Variants in PEAK1 observed in about 807,000 individuals in gnomAD.
The protein encoded by PEAK1 is inactive tyrosine-protein kinase PEAK1.
PEAK1 carries 54 observed loss-of-function variants against 124.7 expected under a neutral mutation model. That is an observed-to-expected ratio of 0.43 (90% CI 0.35 to 0.54). PEAK1 has a LOEUF of 0.54. PEAK1 is among the 20% of genes least tolerant of loss of function. The pLI is 0.01. For missense variants in PEAK1, 2,046 were observed against 2,134.5 expected (o/e 0.96, Z 0.82); for synonymous variants, 719 against 760.0 (o/e 0.95, Z 0.89).
At chr15:77,311,675 C>CG (rs1184902703) in intron 2 of PEAK1, among the ~76,000 whole-genome samples, 1 of 123,796 alleles carries the variant, frequency 8.1e-6, no homozygotes, top group Non-Finnish European at 1.7e-5. Context: ...TCCAACCCCC[C>CG]CAACCCCCAC....
At position 77,114,654 on chromosome 15, in the gene PEAK1, G is replaced by T; in HGVS notation, c.4743C>A (p.Ile1581=). 6.2e-7 allele frequency: 1 copy of T among 1,613,908 alleles called. No homozygotes were observed. Among genetic ancestry groups the T allele is most frequent in the South Asian group, 1.1e-5 (1 of 91,042 alleles). ...ACTTTTTATACTGGGTAGCTGTTAT[G>T]ATCTCTGGGGCAAGGCGAGACTGGT... ...LRDQSRLAPE[I]ITATQYKKCD... is the part of the protein sequence containing the mutation. Residue 1581 remains isoleucine (I), a synonymous_variant, in exon 10 of 10, where the codon ATC becomes ATA. Coordinates refer to ENST00000682557, the MANE Select transcript of PEAK1 (RefSeq NM_001385026.1).
intron 7 of PEAK1, among the ~76,000 whole-genome samples, chr15:77,175,863 A>G (rs1433193768): frequency 1.3e-5 from 2 of 152,242 alleles, no homozygotes; most frequent in Non-Finnish European, 2.9e-5. Context: ...CAAATGTCCA[A>G]CAACGATAGA....
At chr15:77,182,506 G>A (rs2152822481) in intron 6 of PEAK1, among the ~76,000 whole-genome samples, 4 of 152,094 alleles carry the variant, frequency 2.6e-5, no homozygotes, top group Admixed American at 2.6e-4. Context: ...TCAGCATGTT[G>A]GGAGGCAGGC....
chr15:77,355,188 C>T (rs1231665466), intron 2 of PEAK1, among the ~76,000 whole-genome samples: 1 of 152,072 alleles, frequency 6.6e-6, no homozygotes, highest in Non-Finnish European at 1.5e-5. Context: ...CGGAAAGTAG[C>T]ATGGTGTAGT....
chr15:77,371,819 G>C (rs2068662034), intron 1 of PEAK1, among the ~76,000 whole-genome samples: 1 of 152,216 alleles, frequency 6.6e-6, no homozygotes, highest in South Asian at 2.1e-4. Context: ...AGGAGGTGGA[G>C]GTTGCAGTGA....
intron 8 of PEAK1, among the ~76,000 whole-genome samples, chr15:77,152,395 C>T (rs1241708513): frequency 1.1e-4 from 16 of 151,944 alleles, no homozygotes; most frequent in African/African-American, 2.9e-4. Context: ...TGGGCTGAGA[C>T]GATGGGGTTT....
chr15:77,108,748 T>TA lies in PEAK1; in HGVS notation c.*5407dup, dbSNP rs1403287409. On this transcript the variant is annotated 3_prime_UTR_variant, in exon 10 of 10. Transcript: ENST00000682557. ...ATATGACTCTGTACTTCTGCTAGGT[T>TA]AAAAAATGTCCGACCTCTTTTGATT... The TA allele has an allele frequency of 1.3e-5, 2 of 152,178 alleles. No individual in the cohort carries two copies. Among genetic ancestry groups the TA allele is most frequent in the Non-Finnish European group, 1.5e-5 (1 of 68,030 alleles). The allele number at this position is 152,178 out of a possible 1,614,324, so 9.4% of individuals were successfully genotyped here.
chr15:77,266,062 T>A (rs1324215706), intron 5 of PEAK1, among the ~76,000 whole-genome samples: 1 of 143,760 alleles, frequency 7.0e-6, no homozygotes, highest in East Asian at 2.0e-4. Flanking sequence ...TGAGAACACA[T>A]GGACACAGGA....
At chr15:77,381,258 A>T (rs890666556) in intron 1 of PEAK1, 66 of 978,846 alleles carry the variant, frequency 6.7e-5, no homozygotes, top group Non-Finnish European at 7.4e-5. Flanking sequence ...TCCTTAAAGA[A>T]TACAGCAATG....
intron 2 of PEAK1, among the ~76,000 whole-genome samples, chr15:77,356,230 A>G (rs1388646245): frequency 6.6e-6 from 1 of 152,206 alleles, no homozygotes; most frequent in Non-Finnish European, 1.5e-5. Context: ...ACTCAACTAT[A>G]TATTTAAGAG....
intron 6 of PEAK1, among the ~76,000 whole-genome samples, chr15:77,214,121 T>C (rs959306864): frequency 2.0e-5 from 3 of 152,188 alleles, no homozygotes; most frequent in Admixed American, 1.3e-4. Flanking sequence ...CTCCTTTTTA[T>C]GGCTAGTATG....
At chr15:77,394,187 A>T (rs1008817753) in intron 1 of PEAK1, among the ~76,000 whole-genome samples, 2 of 152,196 alleles carry the variant, frequency 1.3e-5, no homozygotes, top group Admixed American at 1.3e-4. Flanking sequence ...GGACCTACCC[A>T]GGGCTAGGGA....
rs539797242 is a variant in PEAK1, at chr15:77,245,322, T to C, written c.-115+7045A>G. ...GTGAGCCATGATCATGCCACTATAC[T>C]CTAGCCTAGGCAACAGAGCAAGACT... On this transcript the variant is annotated intron_variant, in intron 6 of 9. Coordinates refer to ENST00000682557, the MANE Select transcript of PEAK1 (RefSeq NM_001385026.1). Among the ~76,000 whole-genome samples the C allele has an allele frequency of 2.0e-5, 3 of 151,334 alleles. No homozygotes were observed. The East Asian group carries it at 5.8e-4, about 29-fold the overall frequency.
chr15:77,375,046 A>C (rs2068905448), intron 1 of PEAK1, among the ~76,000 whole-genome samples: 1 of 152,230 alleles, frequency 6.6e-6, no homozygotes, highest in Non-Finnish European at 1.5e-5. Flanking sequence ...AAGTCCCACT[A>C]ATCTTAAATT....
At chr15:77,300,938 G>A (rs187693197) in intron 2 of PEAK1, among the ~76,000 whole-genome samples, 120 of 152,090 alleles carry the variant, frequency 7.9e-4, no homozygotes, top group African/African-American at 2.8e-3. Context: ...TGCAACCTCC[G>A]CCTTCCAGGT....
At chr15:77,125,114 A>G (rs552011909) in intron 9 of PEAK1, among the ~76,000 whole-genome samples, 12 of 152,362 alleles carry the variant, frequency 7.9e-5, no homozygotes, top group African/African-American at 2.6e-4. Flanking sequence ...TGTTTTATAC[A>G]GTAAACATTT....
rs2065750350 is a variant in PEAK1 at position 77,329,054 on chromosome 15, A to G, written c.-603+36109T>C. On this transcript the variant is annotated intron_variant, in intron 2 of 9. Coordinates refer to ENST00000682557, the MANE Select transcript of PEAK1 (RefSeq NM_001385026.1). ...GTCTAAGATGATATATACTTTCTCT[A>G]TTTTCATGAAAATGAAACAAAGCAC... Among the ~76,000 whole-genome samples the G allele has an allele frequency of 1.3e-5, 2 of 152,308 alleles. 1 individual carries two copies. Among genetic ancestry groups the G allele is most frequent in the South Asian group, 4.1e-4 (2 of 4,828 alleles).
intron 6 of PEAK1, among the ~76,000 whole-genome samples, chr15:77,241,146 C>T (rs183038778): frequency 6.6e-6 from 1 of 152,192 alleles, no homozygotes; most frequent in East Asian, 1.9e-4. Flanking sequence ...CAACCAAGTG[C>T]GGTTCATCCT....
At chr15:77,260,818 T>A (rs1278550735) in intron 5 of PEAK1, among the ~76,000 whole-genome samples, 4 of 152,188 alleles carry the variant, frequency 2.6e-5, no homozygotes, top group Non-Finnish European at 1.5e-5. Flanking sequence ...ACGGACAGAC[T>A]GCCTCGTCAA....
Sources: gnomAD v4.1 joint callset for allele counts (sites outside exome capture counted in the v4.1 genomes callset) on GRCh38, gnomAD v4.1.1 for gene constraint, MANE v1.5 for transcripts, NCBI Gene and HGNC (gene_info 2026-07-23, HGNC 2026-07-21) for gene names.